The following FLYWCH1 variants were observed in gnomAD, a reference collection of about 807,000 sequenced individuals.
FLYWCH1 encodes the protein FLYWCH-type zinc finger-containing protein 1.
Under a neutral mutation model 66.4 loss-of-function variants are expected in FLYWCH1, and 75 were observed. The observed-to-expected ratio is 1.13, with a 90% CI of 0.94 to 1.37. The LOEUF is 1.37. Ranked by LOEUF, FLYWCH1 falls within the 40% of genes most tolerant of loss-of-function variation. FLYWCH1 has a pLI of 0.00. For synonymous variants in FLYWCH1, 595 were observed against 429.9 expected (o/e 1.38, Z -4.75); for missense variants, 1,334 against 1,001.8 (o/e 1.33, Z -4.48).
chr16:2,949,951 A>C lies in FLYWCH1; in HGVS notation c.*1224A>C, dbSNP rs2071627135. On this transcript the variant is annotated 3_prime_UTR_variant, in exon 10 of 10. Transcript: ENST00000253928. ...CTGGGCTGTTACAGTCACCTGGCCC[A>C]GACGTAACCTGGACCAAGAGTGGAC... 1 of 152,162 alleles carries C rather than the reference A, an allele frequency of 6.6e-6. No individual in the cohort carries two copies. Among genetic ancestry groups the C allele is most frequent in the Non-Finnish European group, 1.5e-5 (1 of 68,068 alleles). The allele number at this position is 152,162 out of a possible 1,614,324, so 9.4% of individuals were successfully genotyped here.
chr16:2,917,421 G>A (rs2070209720), intron 2 of FLYWCH1, among the ~76,000 whole-genome samples: 1 of 151,598 alleles, frequency 6.6e-6, no homozygotes, highest in Admixed American at 6.6e-5. Flanking sequence ...TAGAGACGGG[G>A]TTTTGCCATG....
chr16:2,936,995 G>A, intron 6 of FLYWCH1, 126 bp from the exon 7 acceptor site: 1 of 919,008 alleles, frequency 1.1e-6, no homozygotes, highest in Non-Finnish European at 1.4e-6. Context: ...TCTGTGTCCT[G>A]GGCTCCGGGG....
In FLYWCH1 at chr16:2,930,218, C is replaced by T. The variant is rs558507009; in HGVS notation, c.326-192C>T. Among the ~76,000 whole-genome samples the T allele has an allele frequency of 4.6e-5, 7 of 152,200 alleles. No individual in the cohort carries two copies. The East Asian group carries it at 1.4e-3, about 30-fold the overall frequency. ...GGAGTTGCAGTGACGTGCAGAATTCCTTCAGCTCCCTAAAAACATCCACTA... is the reference window on the plus strand; with the variant it reads ...GGAGTTGCAGTGACGTGCAGAATTCTTTCAGCTCCCTAAAAACATCCACTA... On this transcript the variant is annotated intron_variant, in intron 3 of 9. Coordinates refer to ENST00000253928, the MANE Select transcript of FLYWCH1 (RefSeq NM_001308068.2).
chr16:2,933,149 G>A lies in FLYWCH1; in HGVS notation c.816G>A (p.Glu272=), dbSNP rs763607368. The part of the protein sequence containing the change: ...ILGLGQARPL[E]FLRTCYGGSF... ...CTCTAGGACAGGCCCGGCCCCTCGA[G>A]TTCCTGAGGACGTGCTACGGGGGCA... The change falls in exon 5 of 10, where the codon GAG becomes GAA. Residue 272 remains glutamate, a synonymous_variant. Transcript: ENST00000253928. The A allele has an allele frequency of 1.2e-5, 20 of 1,613,490 alleles. No homozygotes were observed. Among genetic ancestry groups the A allele is most frequent in the Non-Finnish European group, 1.5e-5 (18 of 1,179,808 alleles).
intron 4 of FLYWCH1, among the ~76,000 whole-genome samples, chr16:2,932,368 TA>T (rs2070796264): frequency 6.6e-6 from 1 of 151,650 alleles, no homozygotes; most frequent in Non-Finnish European, 1.5e-5. Flanking sequence ...GGTAGCTCTG[TA>T]GCCTCAGAAA....
In FLYWCH1 at chr16:2,918,595, C is replaced by A. The variant is rs374474100; in HGVS notation, c.-74+4306C>A. Among the ~76,000 whole-genome samples, 13 of 151,980 alleles carry A rather than the reference C, an allele frequency of 8.6e-5. No individual in the cohort carries two copies. The South Asian group carries it at 1.2e-3, about 15-fold the overall frequency. On this transcript the variant is annotated intron_variant, in intron 2 of 9. Transcript: ENST00000253928. ...AGCTGGGATTACAGGCATGCACCAA[C>A]ATGACCATCTAATTTTTGTATTTTC...
intron 2 of FLYWCH1, among the ~76,000 whole-genome samples, chr16:2,916,787 T>C (rs550050524): frequency 1.9e-4 from 29 of 152,216 alleles, no homozygotes; most frequent in Middle Eastern, 6.8e-3. Context: ...ATTCCTCTCT[T>C]CTTGAGGTTC....
intron 6 of FLYWCH1, chr16:2,936,822 G>A (rs1017872347): frequency 2.2e-5 from 13 of 591,602 alleles, no homozygotes; most frequent in Middle Eastern, 2.6e-4. Context: ...GCCTGGGCGG[G>A]TGCTGGGGAC....
At chr16:2,945,969 C>A (rs1261538670) in intron 9 of FLYWCH1, among the ~76,000 whole-genome samples, 1 of 151,834 alleles carries the variant, frequency 6.6e-6, no homozygotes, top group Non-Finnish European at 1.5e-5. Context: ...TGCACTCCAG[C>A]CTGGGCAACA....
intron 2 of FLYWCH1, among the ~76,000 whole-genome samples, chr16:2,918,217 G>A (rs1445748724): frequency 7.0e-6 from 1 of 142,068 alleles, no homozygotes; most frequent in Non-Finnish European, 1.5e-5. Flanking sequence ...GGGCAATCTC[G>A]GCTCACTGCA....
rs186792820 is a variant in FLYWCH1 at position 2,941,371 on chromosome 16, G to T, written c.2111+1279G>T. Among the ~76,000 whole-genome samples, 5 of 152,284 alleles carry T rather than the reference G, an allele frequency of 3.3e-5. No homozygotes were observed. In the South Asian group the frequency reaches 8.3e-4, roughly 25 times the overall value. ...AAACTTATGGGATGCACTGAAAGCC[G>T]TGCTTAGAGGGAAATCTATAGCTAA... is the stretch of plus-strand genomic sequence containing the variant. On this transcript the variant is annotated intron_variant, in intron 9 of 9. Transcript: ENST00000253928.
chr16:2,944,651 C>T (rs542427859), intron 9 of FLYWCH1, among the ~76,000 whole-genome samples: 7 of 151,726 alleles, frequency 4.6e-5, no homozygotes, highest in Admixed American at 1.3e-4. Context: ...GGTGAAACCC[C>T]GTCTCTACTA....
intron 2 of FLYWCH1, among the ~76,000 whole-genome samples, chr16:2,925,576 G>T (rs1432406904): frequency 3.0e-5 from 4 of 135,452 alleles, no homozygotes; most frequent in African/African-American, 8.5e-5. Context: ...GGGAGTTGCG[G>T]GGGGAGGGGG....
Position 2,930,460 on chromosome 16 carries a change from C to T in FLYWCH1, c.376C>T (p.Leu126=). ...GAGGACACCATTCGGGGGCCGCCTCCTGGTGCTGGAGTCCTTCCTGTACAA... is the reference window on the plus strand; with the variant it reads ...GAGGACACCATTCGGGGGCCGCCTCTTGGTGCTGGAGTCCTTCCTGTACAA... ...FLRTPFGGRL[L]VLESFLYKQE... The change falls in exon 4 of 10, where the codon CTG becomes TTG. Residue 126 remains leucine, a synonymous_variant. Coordinates refer to ENST00000253928, the MANE Select transcript of FLYWCH1 (RefSeq NM_001308068.2). 6.6e-7 allele frequency: 1 copy of T among 1,505,288 alleles called. No homozygotes were observed. Among genetic ancestry groups the T allele is most frequent in the Non-Finnish European group, 8.9e-7 (1 of 1,129,598 alleles). The allele number at this position is 1,505,288 out of a possible 1,614,324, so 93.2% of individuals were successfully genotyped here.
chr16:2,930,885 G>A lies in FLYWCH1; in HGVS notation c.796+5G>A, dbSNP rs907020684. ...AGCGCTCGATCCTGGGGCTGGGTGAGTACAATCCACTCCCCTGCTGCGTCC... is the reference window on the plus strand; with the variant it reads ...AGCGCTCGATCCTGGGGCTGGGTGAATACAATCCACTCCCCTGCTGCGTCC... On this transcript the variant is annotated splice_donor_5th_base_variant and intron_variant, in intron 4 of 9. Coordinates refer to ENST00000253928, the MANE Select transcript of FLYWCH1 (RefSeq NM_001308068.2). 6.3e-7 allele frequency: 1 copy of A among 1,580,454 alleles called. No individual in the cohort carries two copies. The highest frequency in any genetic ancestry group is 1.2e-5 in the South Asian group (1 of 86,852).
At chr16:2,934,141 T>C (rs1336530429) in intron 6 of FLYWCH1, among the ~76,000 whole-genome samples, 162 bp downstream of exon 6, 2 of 152,138 alleles carry the variant, frequency 1.3e-5, no homozygotes, top group African/African-American at 4.8e-5. Context: ...TTGGCCCCCC[T>C]GATGCCGCTT....
rs1329871060 is a variant in FLYWCH1, at chr16:2,942,066, G to A, written c.2111+1974G>A. Among the ~76,000 whole-genome samples, 5 of 144,864 alleles carry A rather than the reference G, an allele frequency of 3.5e-5. No individual in the cohort carries two copies. In the East Asian group the frequency reaches 1.0e-3, roughly 29 times the overall value. ...AAATAAATAATAAATGAAACCAAAAGTTGGTTCTGTATAAGGATCAATAAA... is the reference window on the plus strand; with the variant it reads ...AAATAAATAATAAATGAAACCAAAAATTGGTTCTGTATAAGGATCAATAAA... On this transcript the variant is annotated intron_variant, in intron 9 of 9. Transcript: ENST00000253928.
intron 3 of FLYWCH1, 32 bp from the exon 4 acceptor site, chr16:2,930,378 G>C: frequency 1.5e-6 from 2 of 1,349,944 alleles, no homozygotes; most frequent in South Asian, 3.1e-5. Context: ...CTTTGCTCTA[G>C]CTTAGCTAAC....
intron 2 of FLYWCH1, chr16:2,922,707 G>A (rs1395240468): frequency 2.0e-6 from 1 of 494,288 alleles, no homozygotes; most frequent in Non-Finnish European, 4.0e-6. Flanking sequence ...CTGATCAGGA[G>A]CCAGTGGAAC....
Sources: gnomAD v4.1 joint callset for allele counts (sites outside exome capture counted in the v4.1 genomes callset) on GRCh38, gnomAD v4.1.1 for gene constraint, MANE v1.5 for transcripts, NCBI Gene and HGNC (gene_info 2026-07-23, HGNC 2026-07-21) for gene names.